Variants in MAP7D2 observed in about 807,000 individuals in gnomAD.
The protein encoded by MAP7D2 is MAP7 domain-containing protein 2.
A neutral mutation model predicts 63.5 loss-of-function variants in MAP7D2; 33 were observed. That is an observed-to-expected ratio of 0.52 (90% confidence interval 0.39 to 0.70). The LOEUF is 0.70. Ranked by LOEUF, MAP7D2 falls within the 30% of genes least tolerant of loss-of-function variation. The pLI is 0.00. For synonymous variants in MAP7D2, 224 were observed against 223.7 expected (o/e 1.00, Z -0.01); for missense variants, 626 against 604.0 (o/e 1.04, Z -0.38).
intron 16 of MAP7D2, 143 bp from the exon 17 acceptor site, chrX:20,008,541 G>A (rs191572617): frequency 1.8e-5 from 2 of 112,263 alleles, no homozygotes; most frequent in East Asian, 5.5e-4. Context: ...TTCCTCCTGG[G>A]CTTATACAGT....
Position 20,012,446 on chromosome X carries a change from G to A in MAP7D2, c.1975C>T (p.Leu659Phe), listed in dbSNP as rs1280784213. ...TYPQDIFSNG[L>F]KPAGGLIHLD... ...TGAATGAGTCCCCCAGCTGGCTTAA[G>A]CCCATTAGAGAAAATGTCTTGGGGA... Residue 659 changes from leucine to phenylalanine, a missense_variant, in exon 15 of 17, where the codon CTT becomes TTT. Coordinates refer to ENST00000379643, the MANE Select transcript of MAP7D2 (RefSeq NM_001168465.2). The A allele has an allele frequency of 8.3e-6, 10 of 1,207,261 alleles. No homozygotes were observed. The highest frequency in any genetic ancestry group is 1.1e-5 in the Non-Finnish European group (10 of 893,316).
chrX:20,024,874 G>T, intron 10 of MAP7D2, 77 bp downstream of exon 10: 3 of 1,113,696 alleles, frequency 2.7e-6, no homozygotes, highest in Admixed American at 5.0e-5. Flanking sequence ...TACCAACGCT[G>T]TAAAAAGAAA....
intron 5 of MAP7D2, among the ~76,000 whole-genome samples, chrX:20,051,571 C>CA (rs1326205903): frequency 9.6e-5 from 10 of 104,487 alleles, no homozygotes; most frequent in Admixed American, 2.0e-4. Flanking sequence ...AAAAAAAAAA[C>CA]AAAAAAAACA....
At chrX:20,015,610 T>C (rs1022421091) in intron 11 of MAP7D2, among the ~76,000 whole-genome samples, 2 of 112,534 alleles carry the variant, frequency 1.8e-5, no homozygotes, top group African/African-American at 6.5e-5. Context: ...GAAGTGTGCA[T>C]GTGGCCAGAT....
intron 1 of MAP7D2, among the ~76,000 whole-genome samples, chrX:20,097,708 A>T (rs1281844649): frequency 1.8e-5 from 2 of 111,761 alleles, no homozygotes. Flanking sequence ...TTCTATGCAG[A>T]AACTGAAGAA....
At chrX:20,105,136 C>T (rs373790227) in intron 1 of MAP7D2, among the ~76,000 whole-genome samples, 5 of 111,692 alleles carry the variant, frequency 4.5e-5, no homozygotes, top group Non-Finnish European at 5.6e-5. Flanking sequence ...ACTCCAGCTG[C>T]GAGGTCATTT....
rs1440526305 is a variant in MAP7D2 at position 20,042,549 on chromosome X, C to A, written c.960G>T (p.Glu320Asp). Residue 320 changes from glutamate to aspartate, a missense_variant, in exon 8 of 17, where the codon GAG becomes GAT. By Grantham distance (45) the Glu-to-Asp change is conservative. Coordinates refer to ENST00000379643, the MANE Select transcript of MAP7D2 (RefSeq NM_001168465.2). Reference sequence around the variant, plus strand: ...GTCTCTTAGGAATGCCTCCAGAAAACTCACATCTTCTCAGAGGGGACCCGA... The same window carrying A: ...GTCTCTTAGGAATGCCTCCAGAAAAATCACATCTTCTCAGAGGGGACCCGA... ...VNFGSPLRRC[E>D]FSGGIPKRPS... The A allele has an allele frequency of 8.3e-7, 1 of 1,211,106 alleles. No individual in the cohort carries two copies. The highest frequency in any genetic ancestry group is 1.7e-5 in the African/African-American group (1 of 57,737).
intron 1 of MAP7D2, among the ~76,000 whole-genome samples, chrX:20,115,585 C>T (rs1265400578): frequency 1.8e-5 from 2 of 111,346 alleles, no homozygotes; most frequent in Non-Finnish European, 3.8e-5. Flanking sequence ...ATGAATTCTG[C>T]CTTTAAAATA....
chrX:20,081,443 A>G (rs2065775117), intron 1 of MAP7D2, among the ~76,000 whole-genome samples: 1 of 111,902 alleles, frequency 8.9e-6, no homozygotes, highest in African/African-American at 3.2e-5. Flanking sequence ...AGTATGAGCA[A>G]GCCAACTGCA....
At chrX:20,049,328 G>A (rs1284769376) in intron 6 of MAP7D2, among the ~76,000 whole-genome samples, 4 of 104,013 alleles carry the variant, frequency 3.8e-5, no homozygotes, top group Non-Finnish European at 5.9e-5. Context: ...CTGGAGTACA[G>A]TGGTGCAATC....
intron 1 of MAP7D2, among the ~76,000 whole-genome samples, chrX:20,077,501 C>T (rs942508398): frequency 1.8e-5 from 2 of 111,986 alleles, no homozygotes; most frequent in Non-Finnish European, 1.9e-5. Flanking sequence ...TTCCGCAGGA[C>T]CTGCTCTAAG....
chrX:20,038,753 C>G (rs927942774), intron 8 of MAP7D2, among the ~76,000 whole-genome samples: 1 of 111,765 alleles, frequency 8.9e-6, no homozygotes, highest in Admixed American at 9.5e-5. Context: ...CCCCTGGACA[C>G]TTTAAGCTCC....
chrX:20,086,643 G>A (rs751206668), intron 1 of MAP7D2, among the ~76,000 whole-genome samples: 1 of 111,332 alleles, frequency 9.0e-6, no homozygotes, highest in South Asian at 3.8e-4. Flanking sequence ...GGGAGGCATG[G>A]AAAATAGCTT....
intron 8 of MAP7D2, among the ~76,000 whole-genome samples, chrX:20,036,904 A>T (rs2064508907): frequency 1.8e-5 from 1 of 55,738 alleles, no homozygotes; most frequent in African/African-American, 1.3e-4. Flanking sequence ...ACTCCATCTC[A>T]AAAAAAAAAA....
chrX:20,035,262 T>C (rs1172727023), intron 8 of MAP7D2, among the ~76,000 whole-genome samples: 1 of 111,382 alleles, frequency 9.0e-6, no homozygotes, highest in Non-Finnish European at 1.9e-5. Context: ...GGATGATGGC[T>C]GAGCAGAGTC....
Position 20,052,751 on chromosome X carries a change from C to T in MAP7D2, c.595+127G>A, listed in dbSNP as rs759081603. 7.0e-5 allele frequency: 38 copies of T among 539,455 alleles called. No individual in the cohort carries two copies. The South Asian group carries it at 1.1e-3, about 15-fold the overall frequency. The allele number at this position is 539,455 out of a possible 1,213,427, so 44.5% of individuals were successfully genotyped here. On this transcript the variant is annotated intron_variant, in intron 5 of 16. Transcript: ENST00000379643. ...AGGCCCTAGAGCTCCCACATTCAGA[C>T]CACAAGACTAGGACAATGACGGTAT...
chrX:20,009,812 T>C (rs1470119808), intron 16 of MAP7D2, among the ~76,000 whole-genome samples: 2 of 108,655 alleles, frequency 1.8e-5, no homozygotes. Context: ...CCGGGCAACA[T>C]AGCAAGACCC....
At chrX:20,082,542 C>T (rs1036397499) in intron 1 of MAP7D2, among the ~76,000 whole-genome samples, 2 of 112,304 alleles carry the variant, frequency 1.8e-5, no homozygotes, top group Non-Finnish European at 3.8e-5. Context: ...ATCCTCAGTC[C>T]AGCCACAACA....
At chrX:20,015,372 A>G (rs2073350962) in intron 11 of MAP7D2, 45 bp from the exon 12 acceptor site, 2 of 1,059,929 alleles carry the variant, frequency 1.9e-6, no homozygotes, top group Non-Finnish European at 2.6e-6. Flanking sequence ...ATAAGCTAAG[A>G]AAACAGTGTG....
Sources: allele counts gnomAD v4.1 joint callset (sites outside exome capture counted in the v4.1 genomes callset), GRCh38; gene constraint gnomAD v4.1.1; transcripts MANE v1.5; gene names NCBI Gene and HGNC (gene_info 2026-07-23, HGNC 2026-07-21).